The following PLEKHA6 variants were observed in gnomAD, a reference collection of about 807,000 sequenced individuals.
PLEKHA6 encodes the protein pleckstrin homology domain containing A6.
A neutral mutation model predicts 116.7 loss-of-function variants in PLEKHA6; 60 were observed. The observed-to-expected ratio is 0.51, with a 90% CI of 0.42 to 0.64. The LOEUF is 0.64. Ranked by LOEUF, PLEKHA6 falls within the 30% of genes least tolerant of loss-of-function variation. The pLI is 0.00. For synonymous variants in PLEKHA6, 489 were observed against 556.1 expected (o/e 0.88, Z 1.70); for missense variants, 1,338 against 1,422.7 (o/e 0.94, Z 0.96).
intron 17 of PLEKHA6, among the ~76,000 whole-genome samples, chr1:204,235,260 G>C (rs1273157662): frequency 1.3e-5 from 2 of 151,928 alleles, no homozygotes; most frequent in East Asian, 1.9e-4. Flanking sequence ...ACTGTTTAGA[G>C]AGTTATGCAA....
At position 204,257,365 on chromosome 1, in the gene PLEKHA6, G is replaced by A; in HGVS notation, c.1512C>T (p.Ile504=). 6.4e-7 allele frequency: 1 copy of A among 1,562,116 alleles called. No homozygotes were observed. The highest frequency in any genetic ancestry group is 8.7e-7 in the Non-Finnish European group (1 of 1,152,696). ...GCTGGTGGCTCACCTTGGGGGAGCT[G>A]ATGGATCGCCTCATCACATAGGCAG... ...DPAAYVMRRS[I]SSPKVPPYPE... The change falls in exon 9 of 23, where the codon ATC becomes ATT. Residue 504 remains isoleucine (I), a synonymous_variant. Transcript: ENST00000272203. The surrounding 1 kb of genome is among the most constrained non-coding windows in gnomAD (Gnocchi z 6.5).
At chr1:204,336,134 C>T (rs73079557) in intron 1 of PLEKHA6, among the ~76,000 whole-genome samples, 2,177 of 152,272 alleles carry the variant, frequency 0.014, 58 homozygotes, top group African/African-American at 0.05. Flanking sequence ...GCTCTCAGTG[C>T]GGCATCCTAA....
In PLEKHA6 at chr1:204,247,288, C is replaced by G. The variant is rs1411929127; in HGVS notation, c.1920+77G>C. On this transcript the variant is annotated intron_variant, in intron 13 of 22. Transcript: ENST00000272203. ...AGAGTCTGTTATCAATGGCCGGAACCTTTGCTTTTGTCTCGAGGCCAACTC... is the reference window on the plus strand; with the variant it reads ...AGAGTCTGTTATCAATGGCCGGAACGTTTGCTTTTGTCTCGAGGCCAACTC... 25 of 865,720 alleles carry G rather than the reference C, an allele frequency of 2.9e-5. No homozygotes were observed. The Admixed American group carries it at 3.6e-4, about 12-fold the overall frequency. 53.6% of individuals were successfully genotyped at this position (865,720 alleles called of 1,614,324 possible). A position where few individuals can be genotyped will look rare whatever the true frequency, so the allele number is the denominator to read the frequency against.
intron 1 of PLEKHA6, among the ~76,000 whole-genome samples, chr1:204,296,266 G>A (rs1382560883): frequency 1.3e-5 from 2 of 152,058 alleles, no homozygotes; most frequent in Non-Finnish European, 2.9e-5. Context: ...CGTGTGTTTC[G>A]TGGCCTCCTG....
At chr1:204,249,404 T>G in intron 10 of PLEKHA6, 140 bp from the exon 11 acceptor site, 1 of 639,794 alleles carries the variant, frequency 1.6e-6, no homozygotes, top group Non-Finnish European at 2.8e-6. Context: ...GCCTTCACCT[T>G]GCCCTTGGTG....
intron 1 of PLEKHA6, among the ~76,000 whole-genome samples, chr1:204,289,086 G>T (rs2103016845): frequency 6.6e-6 from 1 of 152,296 alleles, no homozygotes; most frequent in Middle Eastern, 3.4e-3. Context: ...GCAGCGCCGG[G>T]CTTGTGAGAG....
chr1:204,223,669 G>A lies in PLEKHA6; in HGVS notation c.3032-84C>T, dbSNP rs930897784. The A allele has an allele frequency of 9.2e-6, 6 of 654,988 alleles. No individual in the cohort carries two copies. In the African/African-American group the frequency reaches 1.1e-4, roughly 12 times the overall value. 40.6% of individuals were successfully genotyped at this position (654,988 alleles called of 1,614,324 possible). On this transcript the variant is annotated intron_variant, in intron 21 of 22. Coordinates refer to ENST00000272203, the MANE Select transcript of PLEKHA6 (RefSeq NM_014935.5). This position sits in a 1 kb window ranked among gnomAD's most constrained non-coding sequence, Gnocchi z 4.8. ...CCCAGAGCAAGCGAGGCCCTCCCCA[G>A]GCAGGGAGTGAGGCAGGGAGGCAAG...
chr1:204,318,632 C>G (rs1558178623), intron 1 of PLEKHA6, among the ~76,000 whole-genome samples: 1 of 136,312 alleles, frequency 7.3e-6, no homozygotes, highest in Non-Finnish European at 1.6e-5. Flanking sequence ...GGCTTGAATT[C>G]AGGAAACAAT....
intron 1 of PLEKHA6, among the ~76,000 whole-genome samples, chr1:204,286,943 G>A (rs1019682227): frequency 5.3e-5 from 8 of 152,128 alleles, no homozygotes; most frequent in African/African-American, 1.9e-4. Flanking sequence ...ATTGTGCCTG[G>A]TTTCTGTTTG....
intron 1 of PLEKHA6, chr1:204,311,520 C>A: frequency 3.1e-6 from 2 of 651,766 alleles, no homozygotes; most frequent in Non-Finnish European, 3.8e-6. Flanking sequence ...TCTGCTTCTA[C>A]TCATTGTTTC....
At chr1:204,360,792 C>T (rs368312131), upstream of PLEKHA6, among the ~76,000 whole-genome samples, 7 of 152,220 alleles carry the variant, frequency 4.6e-5, no homozygotes, top group Non-Finnish European at 7.4e-5. Flanking sequence ...AGCCAAGCTA[C>T]GGGGTACCTG....
chr1:204,364,541 G>A (rs765163793), upstream of PLEKHA6, among the ~76,000 whole-genome samples: 7 of 152,210 alleles, frequency 4.6e-5, no homozygotes, highest in Non-Finnish European at 1.0e-4. Flanking sequence ...AGGAATAAAT[G>A]AGATAATGTC....
chr1:204,373,209 C>T (rs538146917), intron 1 of PLEKHA6, among the ~76,000 whole-genome samples: 1 of 151,990 alleles, frequency 6.6e-6, no homozygotes, highest in South Asian at 2.1e-4. Flanking sequence ...CCACCTCAGC[C>T]ACCCAAGTAG....
intron 17 of PLEKHA6, among the ~76,000 whole-genome samples, chr1:204,236,635 C>G (rs1256998778): frequency 4.6e-5 from 7 of 152,138 alleles, no homozygotes; most frequent in African/African-American, 1.7e-4. Flanking sequence ...GTGGGTGTAG[C>G]TACTGTAATG....
chr1:204,244,942 G>A lies in PLEKHA6; in HGVS notation c.2094C>T (p.Ala698=). The change falls in exon 15 of 23, where the codon GCC becomes GCT. Residue 698 remains alanine (A), a synonymous_variant. Coordinates refer to ENST00000272203, the MANE Select transcript of PLEKHA6 (RefSeq NM_014935.5). ...SNSPASPLSS[A]SLTSPLSPFS... ...AGGGGCTCAGGGGGCTGGTGAGGCT[G>A]GCAGAGCTGAGGGGGCTGGCCGGGC... 1.3e-6 allele frequency: 2 copies of A among 1,496,978 alleles called. No homozygotes were observed. Among genetic ancestry groups the A allele is most frequent in the East Asian group, 2.6e-5 (1 of 38,190 alleles). 92.7% of individuals were successfully genotyped at this position (1,496,978 alleles called of 1,614,324 possible).
chr1:204,239,534 C>G (rs936472089), intron 17 of PLEKHA6, among the ~76,000 whole-genome samples: 3 of 152,186 alleles, frequency 2.0e-5, no homozygotes, highest in African/African-American at 7.2e-5. Flanking sequence ...TCACGGAATG[C>G]CTTATCCACC....
In PLEKHA6 at chr1:204,244,902, C is replaced by T; in HGVS notation, c.2134G>A (p.Gly712Ser). 1.3e-6 allele frequency: 2 copies of T among 1,557,208 alleles called. No individual in the cohort carries two copies. The highest frequency in any genetic ancestry group is 1.7e-6 in the Non-Finnish European group (2 of 1,150,110). The part of the protein sequence containing the change: ...SPLSPFSLVS[G>S]SQGSPTKPGS... The stretch of plus-strand genomic sequence containing the variant: ...GGCTTGGTGGGGGACCCCTGAGAGC[C>T]CGACACCAGTGAAAAGGGGCTCAGG... The change falls in exon 15 of 23, where the codon GGC (glycine) becomes AGC (serine). Residue 712 changes from glycine (G) to serine (S), a missense_variant. Transcript: ENST00000272203.
chr1:204,289,630 G>A (rs1379462638), intron 1 of PLEKHA6, among the ~76,000 whole-genome samples: 1 of 152,208 alleles, frequency 6.6e-6, no homozygotes, highest in African/African-American at 2.4e-5. Flanking sequence ...ATCTGGAGGT[G>A]TTCTACTTGT....
intron 1 of PLEKHA6, among the ~76,000 whole-genome samples, chr1:204,297,617 G>GT (rs1393529169): frequency 6.6e-6 from 1 of 151,936 alleles, no homozygotes; most frequent in African/African-American, 2.4e-5. Context: ...CGGCAACAGG[G>GT]GGGGTGGGTA....
Sources: gnomAD v4.1 joint callset for allele counts (sites outside exome capture counted in the v4.1 genomes callset) on GRCh38, gnomAD v4.1.1 for gene constraint, Gnocchi (gnomAD v3.1) non-coding constraint, MANE v1.5 for transcripts, NCBI Gene and HGNC (gene_info 2026-07-23, HGNC 2026-07-21) for gene names.